ABCC9: variants seen among roughly 807,000 people sequenced by gnomAD.
ABCC9 encodes ATP-binding cassette sub-family C member 9.
A neutral mutation model predicts 188.3 loss-of-function variants in ABCC9; 95 were observed. That is an observed-to-expected ratio of 0.50 (90% confidence interval 0.43 to 0.60). The LOEUF is 0.60. ABCC9 is among the 20% of genes least tolerant of loss of function. The pLI is 0.00. For synonymous variants in ABCC9, 659 were observed against 652.7 expected, an observed-to-expected ratio of 1.01 and a Z score of -0.15; for missense variants, 1,102 against 1,876.3, an observed-to-expected ratio of 0.59 and a Z score of 7.62.
At chr12:21,839,697 A>G (rs1050808639) in intron 29 of ABCC9, among the ~76,000 whole-genome samples, 1 of 152,192 alleles carries the variant, frequency 6.6e-6, no homozygotes, top group African/African-American at 2.4e-5. Context: ...AGATTAGAGA[A>G]GTAGTGTTGG....
chr12:21,931,354 C>T (rs1377715248), intron 4 of ABCC9, among the ~76,000 whole-genome samples: 1 of 151,566 alleles, frequency 6.6e-6, no homozygotes, highest in East Asian at 1.9e-4. Flanking sequence ...AAGGTCTCCC[C>T]AGCCATGTGG....
chr12:21,829,962 A>G (rs1455189392), intron 30 of ABCC9, among the ~76,000 whole-genome samples: 2 of 152,176 alleles, frequency 1.3e-5, no homozygotes, highest in Non-Finnish European at 2.9e-5. Flanking sequence ...TGGGGACACT[A>G]GAGATGACGG....
Position 21,801,184 on chromosome 12 carries a change from G to T in ABCC9, c.4513-3C>A. 6.2e-7 allele frequency: 1 copy of T among 1,613,776 alleles called. No individual in the cohort carries two copies. Among genetic ancestry groups the T allele is most frequent in the Non-Finnish European group, 8.5e-7 (1 of 1,179,908 alleles). On this transcript the variant is annotated splice_polypyrimidine_tract_variant and splice_region_variant and intron_variant, in intron 39 of 39. Coordinates refer to ENST00000261200, the MANE Select transcript of ABCC9 (RefSeq NM_020297.4). ...GTCAGAATAGTGTGTACTCGATGCT[G>T]TGAGTGAAAAGAAAACATGTATTTG... is the stretch of plus-strand genomic sequence containing the variant.
chr12:21,856,355 T>A (rs1013803025), intron 22 of ABCC9, among the ~76,000 whole-genome samples: 1 of 152,122 alleles, frequency 6.6e-6, no homozygotes, highest in Admixed American at 6.5e-5. Context: ...TTATTTATTC[T>A]AATATATATA....
chr12:21,931,113 TGAATTGTAATCC>T (rs533748738), intron 4 of ABCC9, among the ~76,000 whole-genome samples: 352 of 152,308 alleles, frequency 2.3e-3, no homozygotes, highest in Non-Finnish European at 3.9e-3. Context: ...AATCTCACCT[TGAATTGTAATCC>T]GAATTGTAAT....
At chr12:21,873,715 A>G (rs1296104139) in intron 17 of ABCC9, among the ~76,000 whole-genome samples, 2 of 152,180 alleles carry the variant, frequency 1.3e-5, no homozygotes, top group Non-Finnish European at 2.9e-5. Flanking sequence ...ATAAAGACAG[A>G]TGCATATATC....
At chr12:21,837,101 A>G (rs961587717) in intron 30 of ABCC9, among the ~76,000 whole-genome samples, 10 of 152,230 alleles carry the variant, frequency 6.6e-5, no homozygotes, top group East Asian at 3.8e-4. Context: ...AATCTTTAAT[A>G]TGGTGTACAT....
chr12:21,860,921 G>T, intron 21 of ABCC9, 50 bp downstream of exon 21: 1 of 1,376,376 alleles, frequency 7.3e-7, no homozygotes, highest in Non-Finnish European at 1.0e-6. Flanking sequence ...ACAACCAGAA[G>T]ACTTTTCTAG....
At chr12:21,807,564 T>C in intron 37 of ABCC9, 85 bp from the exon 38 acceptor site, 6 of 1,559,734 alleles carry the variant, frequency 3.8e-6, no homozygotes, top group Non-Finnish European at 3.5e-6. Flanking sequence ...ACACATTATG[T>C]TGTATGACAG....
In ABCC9 at chr12:21,921,435, T is replaced by C. The variant is rs148966233; in HGVS notation, c.407-4332A>G. 2.7e-4 allele frequency among the ~76,000 whole-genome samples: 41 copies of C among 152,212 alleles called. No homozygotes were observed. In the East Asian group the frequency reaches 7.3e-3, roughly 27 times the overall value. ...TGGATTATTAGTTATTTTTTTCCTA[T>C]AGAGTTGTTTGAGCTCCTTATATAT... On this transcript the variant is annotated intron_variant, in intron 5 of 39. Coordinates refer to ENST00000261200, the MANE Select transcript of ABCC9 (RefSeq NM_020297.4).
chr12:21,839,162 TA>T (rs1482925529), intron 29 of ABCC9, among the ~76,000 whole-genome samples: 1 of 152,154 alleles, frequency 6.6e-6, no homozygotes, highest in Non-Finnish European at 1.5e-5. Flanking sequence ...AAGAGGTTTT[TA>T]AAAAAATGTT....
intron 4 of ABCC9, among the ~76,000 whole-genome samples, chr12:21,930,190 G>A (rs1949223069): frequency 4.6e-5 from 7 of 151,978 alleles, no homozygotes; most frequent in Admixed American, 4.6e-4. Context: ...AGTATTCCAT[G>A]GTGTATATGT....
chr12:21,832,119 T>A (rs1943796266), intron 30 of ABCC9, among the ~76,000 whole-genome samples: 1 of 152,224 alleles, frequency 6.6e-6, no homozygotes, highest in Non-Finnish European at 1.5e-5. Context: ...CTGTATCTTT[T>A]CATCCATATC....
At chr12:21,866,740 T>C (rs1945801514) in intron 18 of ABCC9, among the ~76,000 whole-genome samples, 1 of 152,196 alleles carries the variant, frequency 6.6e-6, no homozygotes, top group Admixed American at 6.5e-5. Flanking sequence ...TATGGAGAAG[T>C]AGGACTGAGG....
At chr12:21,829,263 G>A (rs551904854) in intron 30 of ABCC9, among the ~76,000 whole-genome samples, 25 of 137,200 alleles carry the variant, frequency 1.8e-4, no homozygotes, top group Admixed American at 1.3e-3. Context: ...GTGCAGTGGC[G>A]CGATCTCGGC....
intron 5 of ABCC9, among the ~76,000 whole-genome samples, chr12:21,920,774 A>C (rs1948784271): frequency 6.6e-6 from 1 of 151,882 alleles, no homozygotes; most frequent in Non-Finnish European, 1.5e-5. Flanking sequence ...CATGAGTTCA[A>C]TTGTTTTTAT....
In ABCC9 at chr12:21,936,419, T is replaced by G. The variant is rs545914569; in HGVS notation, c.142+114A>C. Reference sequence around the variant, plus strand: ...CACAAAATACTTGCTTGTTCGTTTCTCACAGCCATCAGCTTCCATGTTACA... The same window carrying G: ...CACAAAATACTTGCTTGTTCGTTTCGCACAGCCATCAGCTTCCATGTTACA... On this transcript the variant is annotated intron_variant, in intron 3 of 39. Transcript: ENST00000261200. 4.4e-6 allele frequency: 4 copies of G among 918,572 alleles called. No individual in the cohort carries two copies. The African/African-American group carries it at 6.8e-5, about 16-fold the overall frequency. 56.9% of individuals were successfully genotyped at this position (918,572 alleles called of 1,614,324 possible).
At chr12:21,899,665 C>T (rs1434523153) in intron 12 of ABCC9, among the ~76,000 whole-genome samples, 2 of 152,214 alleles carry the variant, frequency 1.3e-5, no homozygotes, top group Admixed American at 6.5e-5. Context: ...GACATCATAT[C>T]CCACGCCTGG....
chr12:21,896,660 G>T (rs1186917967), intron 12 of ABCC9, among the ~76,000 whole-genome samples: 1 of 152,030 alleles, frequency 6.6e-6, no homozygotes, highest in African/African-American at 2.4e-5. Context: ...GAGAACATGT[G>T]GTGTTTGGTT....
Sources: gnomAD v4.1 joint callset for allele counts (sites outside exome capture counted in the v4.1 genomes callset) on GRCh38, gnomAD v4.1.1 for gene constraint, MANE v1.5 for transcripts, NCBI Gene and HGNC (gene_info 2026-07-23, HGNC 2026-07-21) for gene names.